LAMA5: variants seen among roughly 807,000 people sequenced by gnomAD.
LAMA5 encodes laminin subunit alpha 5.
A neutral mutation model predicts 433.4 loss-of-function variants in LAMA5; 260 were observed. That is an observed-to-expected ratio of 0.60 (90% CI 0.54 to 0.66). LAMA5 has a LOEUF of 0.66. LAMA5 is among the 30% of genes least tolerant of loss of function. LAMA5 has a pLI of 0.00. For missense variants in LAMA5, 5,378 were observed against 5,258.5 expected (o/e 1.02, Z -0.70); for synonymous variants, 2,620 against 2,226.6 (o/e 1.18, Z -4.97).
intron 51 of LAMA5, 194 bp from the exon 52 acceptor site, chr20:62,319,207 G>T: frequency 1.7e-6 from 1 of 594,658 alleles, no homozygotes; most frequent in Non-Finnish European, 3.0e-6. Flanking sequence ...CTCACCTCCT[G>T]CAGTGCCTCC....
Position 62,362,502 on chromosome 20 carries a change from G to A in LAMA5, c.348C>T (p.Pro116=), listed in dbSNP as rs759196477. Reference sequence around the variant, plus strand: ...CCGTGCCATCGATGGCATTGCTCGCGGGGTGTGCCTTGTTGCTGTTGGCAG... The same window carrying A: ...CCGTGCCATCGATGGCATTGCTCGCAGGGTGTGCCTTGTTGCTGTTGGCAG... The part of the protein sequence containing the change: ...CTAANSNKAH[P]ASNAIDGTER... Residue 116 remains proline, a synonymous_variant, in exon 2 of 80, where the codon CCC becomes CCT. Transcript: ENST00000252999. The A allele has an allele frequency of 1.6e-5, 25 of 1,604,552 alleles. No individual in the cohort carries two copies. The highest frequency in any genetic ancestry group is 1.7e-4 in the Middle Eastern group (1 of 6,050).
intron 57 of LAMA5, 83 bp downstream of exon 57, chr20:62,316,588 G>A (rs540538554): frequency 2.8e-6 from 3 of 1,075,582 alleles, no homozygotes; most frequent in East Asian, 2.6e-5. Flanking sequence ...AACCCCACGT[G>A]TGCATGTGGC....
intron 46 of LAMA5, 77 bp downstream of exon 46, chr20:62,322,581 C>T (rs1014160456): frequency 2.1e-6 from 3 of 1,422,266 alleles, no homozygotes; most frequent in East Asian, 2.5e-5. Flanking sequence ...CTCAGCCCCA[C>T]CTATCAGATT....
chr20:62,312,129 C>T lies in LAMA5; in HGVS notation c.9504+44G>A, dbSNP rs116507281. 2.1e-3 allele frequency: 3,332 copies of T among 1,609,060 alleles called. 23 individuals are homozygous for T. In the African/African-American group the frequency reaches 0.024, roughly 12 times the overall value. On this transcript the variant is annotated intron_variant, in intron 69 of 79. Coordinates refer to ENST00000252999, the MANE Select transcript of LAMA5 (RefSeq NM_005560.6). ...GACACCCCAGTCCCAACTGCTCCGA[C>T]GGCCACCGCGGGGTGGGGAATGGGC...
At chr20:62,320,950 A>AGCTGGGGC (rs2146107113) in intron 48 of LAMA5, 60 bp from the exon 49 acceptor site, 6 of 1,535,836 alleles carry the variant, frequency 3.9e-6, no homozygotes, top group Non-Finnish European at 4.4e-6. Context: ...GAGAATGATC[A>AGCTGGGGC]GCTGGGGCCC....
Position 62,311,107 on chromosome 20 carries a change from C to CT in LAMA5, c.10089-14dup, listed in dbSNP as rs1210188404. ...GGAGAGACTGGGCCTGGAAGCGGAG[C>CT]TGGCGTCAGCCTGCGCGGCCCCTCT... On this transcript the variant is annotated splice_polypyrimidine_tract_variant and intron_variant, in intron 73 of 79. Transcript: ENST00000252999. 6.4e-7 allele frequency: 1 copy of CT among 1,567,714 alleles called. No individual in the cohort carries two copies. Among genetic ancestry groups the CT allele is most frequent in the East Asian group, 2.3e-5 (1 of 44,258 alleles).
chr20:62,351,402 TG>T, intron 6 of LAMA5: 1 of 535,006 alleles, frequency 1.9e-6, no homozygotes, highest in Non-Finnish European at 3.4e-6. Flanking sequence ...TCCACTATGG[TG>T]GGAAGGCCAG....
At chr20:62,329,636 C>T in intron 32 of LAMA5, 141 bp downstream of exon 32, 2 of 1,098,204 alleles carry the variant, frequency 1.8e-6, no homozygotes, top group Non-Finnish European at 2.6e-6. Flanking sequence ...GGGAGGTCCC[C>T]AAAGGCAGGA....
In LAMA5 at chr20:62,318,604, G is replaced by T. The variant is rs1404426118; in HGVS notation, c.7089C>A (p.Asn2363Lys). The change falls in exon 53 of 80, where the codon AAC becomes AAA. Residue 2363 changes from asparagine to lysine, a missense_variant. Asn to Lys is a moderately conservative substitution (Grantham distance 94). Coordinates refer to ENST00000252999, the MANE Select transcript of LAMA5 (RefSeq NM_005560.6). ...QEQLSSLWEENQALATQTRDR... is the reference protein window; with the variant it reads ...QEQLSSLWEEKQALATQTRDR... The stretch of plus-strand genomic sequence containing the variant: ...CGCGGGTTTGTGTGGCCAGTGCCTG[G>T]TTCTCCTCCCAGAGGCTGCTCAGCT... 1.2e-6 allele frequency: 2 copies of T among 1,610,876 alleles called. No individual in the cohort carries two copies. Among genetic ancestry groups the T allele is most frequent in the Middle Eastern group, 1.7e-4 (1 of 6,056 alleles).
Position 62,329,250 on chromosome 20 carries a change from A to T in LAMA5, c.4123T>A (p.Tyr1375Asn), listed in dbSNP as rs770065127. Residue 1375 changes from tyrosine to asparagine, a missense_variant, in exon 33 of 80, where the codon TAT (tyrosine) becomes AAT (asparagine). Coordinates refer to ENST00000252999, the MANE Select transcript of LAMA5 (RefSeq NM_005560.6). Reference protein sequence around the residue: ...VPKGRWLWLDYVLVVPENVYS... With the variant: ...VPKGRWLWLDNVLVVPENVYS... ...ACGTTCTCAGGGACCACGAGTACAT[A>T]ATCCTAGGGGGTGAGGCCTGGTCAC... 1.9e-6 allele frequency: 3 copies of T among 1,608,828 alleles called. No homozygotes were observed.
At chr20:62,354,596 C>T (rs1984882821) in intron 2 of LAMA5, among the ~76,000 whole-genome samples, 1 of 152,188 alleles carries the variant, frequency 6.6e-6, no homozygotes, top group Non-Finnish European at 1.5e-5. Context: ...CAGCCCATGG[C>T]CTCAATGGCA....
intron 2 of LAMA5, among the ~76,000 whole-genome samples, chr20:62,362,116 G>C (rs942289668): frequency 2.0e-5 from 3 of 152,220 alleles, no homozygotes; most frequent in Non-Finnish European, 4.4e-5. Flanking sequence ...GCCCCAAGCT[G>C]TCTACTCAGC....
intron 3 of LAMA5, 191 bp downstream of exon 3, chr20:62,352,943 T>A (rs1036569337): frequency 1.9e-6 from 1 of 528,038 alleles, no homozygotes; most frequent in Non-Finnish European, 3.3e-6. Context: ...GACTTGGCTG[T>A]GCCCGACGCC....
In LAMA5 at chr20:62,312,463, C is replaced by T. The variant is rs201791481; in HGVS notation, c.9297G>A (p.Lys3099=). ...TGTTCAGCCGCTTGAGGTCCACATA[C>T]TTGCCCAGGGCCTTGATGCCTTTGA... ...GCVKGIKALG[K]YVDLKRLNTT... The change falls in exon 68 of 80, where the codon AAG becomes AAA. Residue 3099 remains lysine (K), a synonymous_variant. Transcript: ENST00000252999. 5.4e-5 allele frequency: 86 copies of T among 1,598,232 alleles called. No individual in the cohort carries two copies. The highest frequency in any genetic ancestry group is 6.4e-5 in the Non-Finnish European group (76 of 1,179,628).
intron 11 of LAMA5, among the ~76,000 whole-genome samples, chr20:62,339,745 A>C (rs1317780745): frequency 6.6e-6 from 1 of 152,226 alleles, no homozygotes; most frequent in Non-Finnish European, 1.5e-5. Context: ...GCAAAAACCA[A>C]AATCAAAGCA....
At position 62,367,176 on chromosome 20, in the gene LAMA5, G is replaced by C. The variant is rs987795978; in HGVS notation, c.70C>G (p.Leu24Val). Residue 24 changes from leucine to valine, a missense_variant, in exon 1 of 80, where the codon CTG (leucine) becomes GTG (valine). Physicochemically the swap from Leu to Val is conservative, Grantham distance 32. Coordinates refer to ENST00000252999, the MANE Select transcript of LAMA5 (RefSeq NM_005560.6). ...RGPRGPAPLL[L>V]VGLALLGAAR... is the part of the protein sequence containing the mutation. ...GCGCCCAGCAGCGCCAGCCCGACCAGCAGCAGCGGCGCGGGGCCCCGGGGG... is the reference window on the plus strand; with the variant it reads ...GCGCCCAGCAGCGCCAGCCCGACCACCAGCAGCGGCGCGGGGCCCCGGGGG... The C allele has an allele frequency of 1.3e-5, 16 of 1,236,974 alleles. No individual in the cohort carries two copies. The African/African-American group carries it at 2.5e-4, about 20-fold the overall frequency. The allele number at this position is 1,236,974 out of a possible 1,614,324, so 76.6% of individuals were successfully genotyped here.
At chr20:62,335,458 T>C (rs1407906584) in intron 18 of LAMA5, among the ~76,000 whole-genome samples, 189 bp from the exon 19 acceptor site, 2 of 128,552 alleles carry the variant, frequency 1.6e-5, no homozygotes, top group Non-Finnish European at 3.2e-5. Context: ...AAGGAACCCC[T>C]ATACCCCAAC....
Position 62,352,443 on chromosome 20 carries a change from C to T in LAMA5, c.569-83G>A, listed in dbSNP as rs916958099. ...CGGTGCCCGGGCCCCTTGACGTCTC[C>T]GGGCCTTGCCACTGAGGCTCCCACA... On this transcript the variant is annotated intron_variant, in intron 3 of 79. Transcript: ENST00000252999. 2.2e-5 allele frequency: 22 copies of T among 1,019,144 alleles called. No individual in the cohort carries two copies. The African/African-American group carries it at 2.2e-4, about 10-fold the overall frequency. 63.1% of individuals were successfully genotyped at this position (1,019,144 alleles called of 1,614,324 possible).
Position 62,310,296 on chromosome 20 carries a change from G to A in LAMA5, c.10616C>T (p.Thr3539Ile), listed in dbSNP as rs750851515. ...GVITLDLPGA[T>I]LPDVGLELEV... ...CAGTTCCAGGCCCACATCAGGCAGT[G>A]TAGCTCCTGGGAGGTCTGCGGGGAG... Residue 3539 changes from threonine to isoleucine, a missense_variant, in exon 77 of 80, where the codon ACA becomes ATA. Thr to Ile is a moderately conservative substitution (Grantham distance 89). Coordinates refer to ENST00000252999, the MANE Select transcript of LAMA5 (RefSeq NM_005560.6). 6.8e-6 allele frequency: 11 copies of A among 1,607,716 alleles called. No homozygotes were observed. The highest frequency in any genetic ancestry group is 3.3e-4 in the Middle Eastern group (2 of 6,038).
Sources: allele counts gnomAD v4.1 joint callset (sites outside exome capture counted in the v4.1 genomes callset), GRCh38; gene constraint gnomAD v4.1.1; transcripts MANE v1.5; gene names NCBI Gene and HGNC (gene_info 2026-07-23, HGNC 2026-07-21).